The following SH3PXD2A variants were observed in gnomAD, a reference collection of about 807,000 sequenced individuals.
SH3PXD2A encodes the protein SH3 and PX domains 2A.
SH3PXD2A carries 32 observed loss-of-function variants against 115.2 expected under a neutral mutation model. The ratio of observed to expected loss-of-function variants is 0.28; its 90% CI spans 0.21 to 0.37. The LOEUF is 0.37. Among genes scored for constraint, SH3PXD2A ranks in the 10% least tolerant of loss-of-function variants. The probability of loss-of-function intolerance (pLI) is 1.00; values close to 1 mark genes in which losing one functional copy is unlikely to be tolerated. For synonymous variants in SH3PXD2A, 610 were observed against 629.1 expected (o/e 0.97, Z 0.45); for missense variants, 1,328 against 1,498.7 (o/e 0.89, Z 1.88).
chr10:103,625,033 C>T (rs1306034857), intron 9 of SH3PXD2A, among the ~76,000 whole-genome samples: 1 of 152,168 alleles, frequency 6.6e-6, no homozygotes, highest in African/African-American at 2.4e-5. Context: ...CACCCACACC[C>T]ACCCCCCACA....
In SH3PXD2A at chr10:103,644,345, C is replaced by T. The variant is rs904924699; in HGVS notation, c.604+16638G>A. Among the ~76,000 whole-genome samples the T allele has an allele frequency of 6.6e-5, 10 of 151,986 alleles. No individual in the cohort carries two copies. The South Asian group carries it at 8.3e-4, about 13-fold the overall frequency. ...CTGTAATCCCAGCACTTTGGGAGGC[C>T]GAGGTGGGCAGATCGTTTGAGTCCA... On this transcript the variant is annotated intron_variant, in intron 8 of 14. Transcript: ENST00000369774.
chr10:103,605,757 A>G (rs2036290712), intron 14 of SH3PXD2A, 41 bp downstream of exon 14: 1 of 1,613,154 alleles, frequency 6.2e-7, no homozygotes, highest in African/African-American at 1.3e-5. Context: ...GTTTTCCACC[A>G]CAATGAGTTA....
rs79615908 is a variant in SH3PXD2A, at chr10:103,762,014, C to CTTTTTTTTTTTTT, written c.229+5067_229+5079dup. ...CACACACTAGGAGCAATCAACACGTCTTTTTTTTTTTTTTTTTTTTTTTTT... is the reference window on the plus strand; with the variant it reads ...CACACACTAGGAGCAATCAACACGTCTTTTTTTTTTTTTTTTTTTTTTTTTTTTTTTTTTTTTT... On this transcript the variant is annotated intron_variant, in intron 3 of 14. Transcript: ENST00000369774. Among the ~76,000 whole-genome samples the CTTTTTTTTTTTTT allele has an allele frequency of 1.2e-4, 11 of 90,704 alleles. 1 individual carries two copies. The highest frequency in any genetic ancestry group is 1.8e-4 in the Non-Finnish European group (8 of 44,398). The allele number at this position is 90,704 out of a possible 152,430, so 59.5% of individuals were successfully genotyped here. A position where few individuals can be genotyped will look rare whatever the true frequency, so the allele number is the denominator to read the frequency against.
Position 103,601,514 on chromosome 10 carries a change from A to C in SH3PXD2A, c.*302T>G. On this transcript the variant is annotated 3_prime_UTR_variant, in exon 15 of 15. Transcript: ENST00000369774. ...CATGGCCTGTCCCAGATGGCATGTA[A>C]TCCATTGGTGAAGTCCCTATGGTGC... 4.0e-6 allele frequency: 1 copy of C among 250,748 alleles called. No homozygotes were observed. Among genetic ancestry groups the C allele is most frequent in the Non-Finnish European group, 7.7e-6 (1 of 130,404 alleles). 15.5% of individuals were successfully genotyped at this position (250,748 alleles called of 1,614,324 possible).
intron 8 of SH3PXD2A, among the ~76,000 whole-genome samples, chr10:103,655,892 T>C (rs1378625103): frequency 6.7e-6 from 1 of 148,446 alleles, no homozygotes; most frequent in Non-Finnish European, 1.5e-5. Context: ...GGCAGGAACC[T>C]CATGGATGTA....
intron 4 of SH3PXD2A, among the ~76,000 whole-genome samples, chr10:103,730,763 G>A (rs116694389): frequency 0.01 from 1,551 of 152,180 alleles, 22 homozygotes; most frequent in African/African-American, 0.036. Flanking sequence ...ACACAGAGAC[G>A]ACAAATGTGG....
chr10:103,817,147 T>G (rs1352645960), intron 1 of SH3PXD2A, among the ~76,000 whole-genome samples: 1 of 148,964 alleles, frequency 6.7e-6, no homozygotes, highest in Non-Finnish European at 1.5e-5. Flanking sequence ...CCCGGTCTAT[T>G]CTTTTTTTTT....
intron 3 of SH3PXD2A, among the ~76,000 whole-genome samples, chr10:103,742,771 G>A (rs1055827856): frequency 2.6e-5 from 4 of 152,172 alleles, no homozygotes; most frequent in Admixed American, 2.0e-4. Flanking sequence ...GAGCAGCTCC[G>A]GAGTCTCAGC....
chr10:103,685,336 T>TC (rs1243828739), intron 6 of SH3PXD2A, among the ~76,000 whole-genome samples: 7 of 40,018 alleles, frequency 1.7e-4, no homozygotes, highest in Non-Finnish European at 1.9e-4. Flanking sequence ...AAACTCTGTC[T>TC]CAAAAAAAAA....
At chr10:103,750,223 A>T (rs1017429326) in intron 3 of SH3PXD2A, among the ~76,000 whole-genome samples, 1 of 152,028 alleles carries the variant, frequency 6.6e-6, no homozygotes, top group African/African-American at 2.4e-5. Flanking sequence ...AGCTAATTTT[A>T]AAAAATTTCT....
chr10:103,707,070 A>G, intron 5 of SH3PXD2A, among the ~76,000 whole-genome samples: 1 of 152,138 alleles, frequency 6.6e-6, no homozygotes, highest in Non-Finnish European at 1.5e-5. Flanking sequence ...TGGCAGTTGG[A>G]CTACAGTGTC....
intron 1 of SH3PXD2A, among the ~76,000 whole-genome samples, chr10:103,854,982 CA>C (rs1186841199): frequency 6.6e-6 from 1 of 151,994 alleles, no homozygotes; most frequent in East Asian, 1.9e-4. Flanking sequence ...ATTCCAATGC[CA>C]AAAAAAGAAA....
chr10:103,834,963 G>A (rs1002660511), intron 1 of SH3PXD2A, among the ~76,000 whole-genome samples: 1 of 152,172 alleles, frequency 6.6e-6, no homozygotes, highest in Non-Finnish European at 1.5e-5. Flanking sequence ...CTGGGCCTGG[G>A]AATTTATTGC....
intron 1 of SH3PXD2A, among the ~76,000 whole-genome samples, chr10:103,828,653 C>G (rs777835586): frequency 2.1e-4 from 32 of 152,170 alleles, no homozygotes; most frequent in Non-Finnish European, 8.8e-5. Flanking sequence ...TGCCGAGATC[C>G]CAAGGGCAGG....
intron 5 of SH3PXD2A, among the ~76,000 whole-genome samples, chr10:103,716,053 G>T (rs975002988): frequency 7.2e-5 from 11 of 152,228 alleles, no homozygotes; most frequent in Non-Finnish European, 1.2e-4. Context: ...AAGTCATGCA[G>T]AGGAGAGTGT....
intron 5 of SH3PXD2A, among the ~76,000 whole-genome samples, chr10:103,720,802 A>C (rs975663362): frequency 1.3e-5 from 2 of 152,214 alleles, no homozygotes; most frequent in Non-Finnish European, 2.9e-5. Flanking sequence ...GCCGAGGGTC[A>C]TGGACAAGCT....
chr10:103,631,177 A>C (rs536343399), intron 8 of SH3PXD2A, among the ~76,000 whole-genome samples: 1 of 152,264 alleles, frequency 6.6e-6, no homozygotes, highest in South Asian at 2.1e-4. Context: ...AGGTGGGAGG[A>C]TCAGTCGAGC....
chr10:103,690,364 G>C (rs2037735156), intron 6 of SH3PXD2A, among the ~76,000 whole-genome samples: 1 of 152,198 alleles, frequency 6.6e-6, no homozygotes, highest in South Asian at 2.1e-4. Context: ...ACCAATGGGA[G>C]GTGCATAGAG....
At chr10:103,807,414 C>T (rs2039217795) in intron 1 of SH3PXD2A, among the ~76,000 whole-genome samples, 1 of 152,202 alleles carries the variant, frequency 6.6e-6, no homozygotes, top group African/African-American at 2.4e-5. Flanking sequence ...TCCCTGGACT[C>T]CTACCAGCTG....
Sources: allele counts gnomAD v4.1 joint callset (sites outside exome capture counted in the v4.1 genomes callset), GRCh38; gene constraint gnomAD v4.1.1; transcripts MANE v1.5; gene names NCBI Gene and HGNC (gene_info 2026-07-23, HGNC 2026-07-21).